Variants in SIK3 observed in about 807,000 individuals in gnomAD.
SIK3 encodes SIK family kinase 3, also known as serine/threonine-protein kinase SIK3.
Under a neutral mutation model 144.2 loss-of-function variants are expected in SIK3, and 28 were observed. The observed-to-expected ratio is 0.19, with a 90% CI of 0.14 to 0.27. The LOEUF is 0.27. SIK3 is among the 10% of genes least tolerant of loss of function. The pLI is 1.00. For synonymous variants in SIK3, 686 were observed against 676.3 expected, an observed-to-expected ratio of 1.01 and a Z score of -0.22; for missense variants, 1,319 against 1,776.0, an observed-to-expected ratio of 0.74 and a Z score of 4.62.
intron 1 of SIK3, among the ~76,000 whole-genome samples, chr11:117,030,585 A>G (rs1186617574): frequency 1.3e-5 from 2 of 152,228 alleles, no homozygotes; most frequent in African/African-American, 4.8e-5. Flanking sequence ...TGGAAGTTAT[A>G]TACAGTTATT....
At position 116,847,412 on chromosome 11, in the gene SIK3, C is replaced by G. The variant is rs141013615; in HGVS notation, c.3952+64G>C. The G allele has an allele frequency of 6.4e-4, 1,032 of 1,605,428 alleles. 9 individuals carry two copies. The African/African-American group carries it at 0.01, about 16-fold the overall frequency. On this transcript the variant is annotated intron_variant, in intron 23 of 24. Transcript: ENST00000445177. ...CTTCCTACGAAGAGAGGAGCAGTTA[C>G]GGAAGATGGAGGGAGGCCCCTCCAG...
At chr11:117,067,518 A>T (rs530571649) in intron 1 of SIK3, among the ~76,000 whole-genome samples, 5 of 152,216 alleles carry the variant, frequency 3.3e-5, no homozygotes, top group South Asian at 2.1e-4. Context: ...GAAGTGGAGG[A>T]GGATGAGAAT....
chr11:116,981,779 G>A (rs760437160), intron 1 of SIK3, among the ~76,000 whole-genome samples: 11 of 152,276 alleles, frequency 7.2e-5, no homozygotes, highest in East Asian at 1.9e-4. Flanking sequence ...TTGGGAGGCC[G>A]GGGCAGGAGG....
In SIK3 at chr11:116,846,847, G is replaced by C. The variant is rs1156462886; in HGVS notation, c.3953-294C>G. On this transcript the variant is annotated intron_variant, in intron 23 of 24. Transcript: ENST00000445177. The surrounding 1 kb of genome is among the most constrained non-coding windows in gnomAD (Gnocchi z 4.1). Reference sequence around the variant, plus strand: ...TGAGAGAAGATAGAGGACTCCTTCAGAAAGGATCACCTCTTAAAGAGTGAA... The same window carrying C: ...TGAGAGAAGATAGAGGACTCCTTCACAAAGGATCACCTCTTAAAGAGTGAA... Among the ~76,000 whole-genome samples the C allele has an allele frequency of 2.0e-5, 3 of 152,340 alleles. No homozygotes were observed. In the East Asian group the frequency reaches 5.8e-4, roughly 29 times the overall value.
intron 1 of SIK3, among the ~76,000 whole-genome samples, chr11:117,095,603 T>C (rs928431530): frequency 6.6e-6 from 1 of 152,210 alleles, no homozygotes; most frequent in South Asian, 2.1e-4. Context: ...GCCATCGTAC[T>C]GTATGTCGAC....
intron 3 of SIK3, among the ~76,000 whole-genome samples, chr11:116,937,933 G>A (rs757204627): frequency 4.6e-5 from 7 of 152,028 alleles, no homozygotes; most frequent in Admixed American, 4.6e-4. Context: ...GGCTGGGCAC[G>A]GTGGCTCACG....
chr11:116,930,617 T>C (rs1303503988), intron 3 of SIK3, among the ~76,000 whole-genome samples: 3 of 152,162 alleles, frequency 2.0e-5, no homozygotes, highest in East Asian at 1.9e-4. Flanking sequence ...CTTGTCAGGA[T>C]AAACTCCAAT....
At chr11:116,871,188 A>C (rs188302515) in intron 13 of SIK3, among the ~76,000 whole-genome samples, 1 of 152,318 alleles carries the variant, frequency 6.6e-6, no homozygotes, top group African/African-American at 2.4e-5. Flanking sequence ...CTTGCTAGCT[A>C]CCCATAGCCT....
chr11:116,891,682 G>GA (rs1298208280), intron 6 of SIK3, among the ~76,000 whole-genome samples: 2 of 152,066 alleles, frequency 1.3e-5, no homozygotes, highest in Non-Finnish European at 2.9e-5. Context: ...GAAAGAGAGA[G>GA]AAAATGTACG....
intron 6 of SIK3, among the ~76,000 whole-genome samples, chr11:116,887,675 T>C (rs1321120498): frequency 1.3e-5 from 2 of 152,274 alleles, no homozygotes; most frequent in Admixed American, 6.5e-5. Context: ...TGACTCAGTT[T>C]TTCATTCAAA....
At chr11:117,002,318 A>G (rs1950882713) in intron 1 of SIK3, among the ~76,000 whole-genome samples, 1 of 151,840 alleles carries the variant, frequency 6.6e-6, no homozygotes, top group African/African-American at 2.4e-5. Context: ...TTAGCTCATC[A>G]GCTATTGTTA....
At chr11:116,866,510 C>T (rs1023829471) in intron 15 of SIK3, among the ~76,000 whole-genome samples, 11 of 152,202 alleles carry the variant, frequency 7.2e-5, no homozygotes, top group South Asian at 2.1e-4. Flanking sequence ...GGCATGATCT[C>T]GGCTCACTGC....
At chr11:116,875,553 T>C (rs1274485134) in intron 9 of SIK3, 102 bp from the exon 10 acceptor site, 7 of 1,324,020 alleles carry the variant, frequency 5.3e-6, no homozygotes, top group South Asian at 4.1e-5. Context: ...GTTTCCCTGA[T>C]TACTAAAGTT....
At chr11:116,845,836 G>A (rs1177289037) in intron 24 of SIK3, among the ~76,000 whole-genome samples, 1 of 152,104 alleles carries the variant, frequency 6.6e-6, no homozygotes, top group Non-Finnish European at 1.5e-5. Flanking sequence ...ACAACCAATG[G>A]TGCCTGCTGT....
At chr11:116,941,249 G>A (rs959446232) in intron 3 of SIK3, among the ~76,000 whole-genome samples, 11 of 151,896 alleles carry the variant, frequency 7.2e-5, no homozygotes, top group Non-Finnish European at 1.6e-4. Flanking sequence ...CTCGTGATCC[G>A]CCCGCCTCAG....
At chr11:116,982,943 C>CA (rs35698580) in intron 1 of SIK3, among the ~76,000 whole-genome samples, 28,872 of 69,962 alleles carry the variant, frequency 0.41, 8,921 homozygotes, top group Non-Finnish European at 0.58. Context: ...GACTCCGTCT[C>CA]AAAAAAAAAA....
intron 1 of SIK3, among the ~76,000 whole-genome samples, chr11:117,080,274 A>G (rs1397965513): frequency 1.3e-5 from 2 of 152,170 alleles, no homozygotes; most frequent in Admixed American, 1.3e-4. Context: ...ACTGTCATAC[A>G]CTCTCAAGCT....
chr11:116,905,575 T>C (rs992829278), intron 4 of SIK3, among the ~76,000 whole-genome samples: 1 of 152,240 alleles, frequency 6.6e-6, no homozygotes, highest in African/African-American at 2.4e-5. Context: ...ACCAGCAACG[T>C]ACAAGGATTC....
At chr11:117,090,457 T>C (rs1007664559) in intron 1 of SIK3, among the ~76,000 whole-genome samples, 2 of 152,126 alleles carry the variant, frequency 1.3e-5, no homozygotes, top group African/African-American at 4.8e-5. Context: ...TCAAGGTATA[T>C]ATCTAGATGA....
Sources: gnomAD v4.1 joint callset for allele counts (sites outside exome capture counted in the v4.1 genomes callset) on GRCh38, gnomAD v4.1.1 for gene constraint, Gnocchi (gnomAD v3.1) non-coding constraint, MANE v1.5 for transcripts, NCBI Gene and HGNC (gene_info 2026-07-23, HGNC 2026-07-21) for gene names.